The following HIVEP2 variants were observed in gnomAD, a reference collection of about 807,000 sequenced individuals.
The protein encoded by HIVEP2 is HIVEP zinc finger 2, also known as transcription factor HIVEP2.
Under a neutral mutation model 180.7 loss-of-function variants are expected in HIVEP2, and 14 were observed. That is an observed-to-expected ratio of 0.08 (90% CI 0.05 to 0.12). The LOEUF is 0.12. Ranked by LOEUF, HIVEP2 falls within the 10% of genes least tolerant of loss-of-function variation. HIVEP2 has a pLI of 1.00. For missense variants in HIVEP2, 2,579 were observed against 3,008.5 expected (o/e 0.86, Z 3.34); for synonymous variants, 1,184 against 1,136.4 (o/e 1.04, Z -0.84).
chr6:142,831,642 CAT>C (rs941644696), intron 2 of HIVEP2, among the ~76,000 whole-genome samples: 6 of 152,224 alleles, frequency 3.9e-5, no homozygotes, highest in African/African-American at 1.4e-4. Flanking sequence ...TTTTTGTTGC[CAT>C]AGTCAAAACA....
At chr6:142,865,886 C>G (rs930759432) in intron 1 of HIVEP2, among the ~76,000 whole-genome samples, 6 of 152,172 alleles carry the variant, frequency 3.9e-5, no homozygotes, top group African/African-American at 1.4e-4. Flanking sequence ...ATCCCTCTGT[C>G]AGTTACACTT....
At position 142,770,662 on chromosome 6, in the gene HIVEP2, C is replaced by T. The variant is rs756161457; in HGVS notation, c.4077G>A (p.Gln1359=). The T allele has an allele frequency of 6.2e-7, 1 of 1,614,218 alleles. No homozygotes were observed. Among genetic ancestry groups the T allele is most frequent in the Non-Finnish European group, 8.5e-7 (1 of 1,180,048 alleles). Residue 1359 remains glutamine, a synonymous_variant, in exon 5 of 10, where the codon CAG becomes CAA. Transcript: ENST00000367603. The surrounding 1 kb of genome is among the most constrained non-coding windows in gnomAD (Gnocchi z 4.7). ...MYTSISQILG[Q]NSPAIVICKV... is the part of the protein sequence containing the mutation. ...TGCATATGACAATGGCAGGGCTATT[C>T]TGCCCAAGTATCTGAGAAATGCTTG...
chr6:142,856,274 T>G (rs867936523), intron 1 of HIVEP2, among the ~76,000 whole-genome samples: 8 of 151,922 alleles, frequency 5.3e-5, no homozygotes, highest in South Asian at 2.1e-4. Context: ...TATCCAGGAT[T>G]CTCCCCAAGC....
chr6:142,869,270 C>T (rs1030273667), intron 1 of HIVEP2, among the ~76,000 whole-genome samples: 2 of 152,134 alleles, frequency 1.3e-5, no homozygotes, highest in East Asian at 3.8e-4. Context: ...GTATGTCATG[C>T]TTTCTTCTAG....
chr6:142,883,392 A>AT (rs1776623190), intron 1 of HIVEP2, among the ~76,000 whole-genome samples: 1 of 152,052 alleles, frequency 6.6e-6, no homozygotes, highest in African/African-American at 2.4e-5. Context: ...GACTCAATTC[A>AT]AATAGTTCTT....
chr6:142,823,426 G>A (rs539891256), intron 2 of HIVEP2, among the ~76,000 whole-genome samples: 1 of 152,216 alleles, frequency 6.6e-6, no homozygotes. Flanking sequence ...GAGTTGGAAT[G>A]CCCTGAAGGT....
At chr6:142,813,002 T>C (rs1776737436) in intron 2 of HIVEP2, among the ~76,000 whole-genome samples, 1 of 152,208 alleles carries the variant, frequency 6.6e-6, no homozygotes, top group Admixed American at 6.5e-5. Flanking sequence ...ATGCTACCAC[T>C]TATTCTGAGG....
At chr6:142,805,741 A>G (rs534525616) in intron 2 of HIVEP2, among the ~76,000 whole-genome samples, 7 of 152,136 alleles carry the variant, frequency 4.6e-5, no homozygotes, top group Non-Finnish European at 1.0e-4. Context: ...CAGACTGCAC[A>G]TAGATTTTAT....
rs139698739 is a variant in HIVEP2 at position 142,926,012 on chromosome 6, C to G, written c.-641+19087G>C. ...CGACTGCTCAGCTGATACGACTCTT[C>G]TTTATCATACCTGCAAGTATGGAAG... On this transcript the variant is annotated intron_variant, in intron 1 of 9. Coordinates refer to ENST00000367603, the MANE Select transcript of HIVEP2 (RefSeq NM_006734.4). Among the ~76,000 whole-genome samples, 8 of 152,272 alleles carry G rather than the reference C, an allele frequency of 5.3e-5. No individual in the cohort carries two copies. In the East Asian group the frequency reaches 1.2e-3, roughly 22 times the overall value.
intron 1 of HIVEP2, among the ~76,000 whole-genome samples, chr6:142,848,069 G>A (rs1303513906): frequency 1.3e-5 from 2 of 152,114 alleles, no homozygotes; most frequent in Non-Finnish European, 2.9e-5. Context: ...ATTATCCCAT[G>A]GTAACCAGAT....
At chr6:142,908,198 T>A (rs575643913) in intron 1 of HIVEP2, among the ~76,000 whole-genome samples, 116 of 152,234 alleles carry the variant, frequency 7.6e-4, no homozygotes, top group Non-Finnish European at 1.3e-3. Flanking sequence ...TCTATTTGAA[T>A]GGTGCCCTCA....
At chr6:142,870,120 A>G (rs1582928411) in intron 1 of HIVEP2, among the ~76,000 whole-genome samples, 1 of 151,994 alleles carries the variant, frequency 6.6e-6, no homozygotes, top group South Asian at 2.1e-4. Context: ...CCCCACCAAG[A>G]CCCACCTGGG....
intron 1 of HIVEP2, among the ~76,000 whole-genome samples, chr6:142,932,273 C>T (rs919998239): frequency 5.9e-5 from 9 of 151,976 alleles, no homozygotes; most frequent in African/African-American, 1.9e-4. Context: ...TTGCACATAC[C>T]AGAATCTCAA....
At chr6:142,769,522 C>A in intron 5 of HIVEP2, 30 bp downstream of exon 5, 1 of 1,589,578 alleles carries the variant, frequency 6.3e-7, no homozygotes, top group Non-Finnish European at 8.6e-7. Context: ...ATCCACAATA[C>A]AAAGTTCTTC....
chr6:142,943,585 G>A lies in HIVEP2; in HGVS notation c.-641+1514C>T, dbSNP rs1778230986. ...GCTCTGGGTATGCTAGAAAAACACAGATCTCTTGTGAATTATTGAGGTCCA... is the reference window on the plus strand; with the variant it reads ...GCTCTGGGTATGCTAGAAAAACACAAATCTCTTGTGAATTATTGAGGTCCA... On this transcript the variant is annotated intron_variant, in intron 1 of 9. Coordinates refer to ENST00000367603, the MANE Select transcript of HIVEP2 (RefSeq NM_006734.4). This position sits in a 1 kb window ranked among gnomAD's most constrained non-coding sequence, Gnocchi z 4.5. 6.6e-6 allele frequency among the ~76,000 whole-genome samples: 1 copy of A among 152,122 alleles called. No individual in the cohort carries two copies.
rs751235448 is a variant in HIVEP2, at chr6:142,770,543, G to T, written c.4196C>A (p.Ala1399Glu). The change falls in exon 5 of 10, where the codon GCG (alanine) becomes GAG (glutamate). Residue 1399 changes from alanine (A) to glutamate (E), a missense_variant. Physicochemically the swap from Ala to Glu is moderately radical, Grantham distance 107 (BLOSUM62 -1). Transcript: ENST00000367603. This position sits in a 1 kb window ranked among gnomAD's most constrained non-coding sequence, Gnocchi z 4.7. ...FNIAQVLGQH[A>E]GLEKYPIWKA... ...CCAAATGGGGTACTTCTCCAAGCCC[G>T]CATGCTGCCCCAGCACCTGGGCAAT... 1 of 1,614,162 alleles carries T rather than the reference G, an allele frequency of 6.2e-7. No individual in the cohort carries two copies. The highest frequency in any genetic ancestry group is 1.7e-5 in the Admixed American group (1 of 60,024).
At chr6:142,832,406 A>C (rs1166135729) in intron 2 of HIVEP2, among the ~76,000 whole-genome samples, 1 of 152,186 alleles carries the variant, frequency 6.6e-6, no homozygotes, top group Non-Finnish European at 1.5e-5. Flanking sequence ...AAGTACAAAA[A>C]TGCATACAAA....
intron 2 of HIVEP2, among the ~76,000 whole-genome samples, chr6:142,816,824 T>A (rs984386453): frequency 6.6e-6 from 1 of 152,218 alleles, no homozygotes; most frequent in Non-Finnish European, 1.5e-5. Flanking sequence ...TGGTTCTATA[T>A]GAATTTTTAT....
At chr6:142,857,833 G>T (rs1775863698) in intron 1 of HIVEP2, among the ~76,000 whole-genome samples, 1 of 152,168 alleles carries the variant, frequency 6.6e-6, no homozygotes, top group East Asian at 1.9e-4. Context: ...TAAGACTTGT[G>T]TGGCTTCTCC....
Sources: gnomAD v4.1 joint callset for allele counts (sites outside exome capture counted in the v4.1 genomes callset) on GRCh38, gnomAD v4.1.1 for gene constraint, Gnocchi (gnomAD v3.1) non-coding constraint, MANE v1.5 for transcripts, NCBI Gene and HGNC (gene_info 2026-07-23, HGNC 2026-07-21) for gene names.